Variants in NUP107 observed in about 807,000 individuals in gnomAD.
NUP107 encodes nuclear pore complex protein Nup107.
In NUP107, 101 loss-of-function variants were observed where a neutral mutation model predicts 141.0. The ratio of observed to expected loss-of-function variants is 0.72; its 90% CI spans 0.61 to 0.84. NUP107 has a LOEUF of 0.84. Ranked by LOEUF, NUP107 falls within the 40% of genes least tolerant of loss-of-function variation. The pLI is 0.00. For synonymous variants in NUP107, 319 were observed against 363.9 expected (o/e 0.88, Z 1.41); for missense variants, 941 against 1,102.7 (o/e 0.85, Z 2.08).
intron 20 of NUP107, among the ~76,000 whole-genome samples, chr12:68,727,954 A>G (rs1192782798): frequency 6.6e-6 from 1 of 152,192 alleles, no homozygotes; most frequent in East Asian, 1.9e-4. Context: ...TATTCTTATG[A>G]TAATGTAAGT....
At chr12:68,693,061 T>TTTTATTTA (rs1168023711) in intron 5 of NUP107, among the ~76,000 whole-genome samples, 1 of 149,356 alleles carries the variant, frequency 6.7e-6, no homozygotes, top group East Asian at 2.0e-4. Flanking sequence ...CCAGCTAATT[T>TTTTATTTA]TTTATTTATT....
chr12:68,741,292 T>C (rs1000662395), intron 26 of NUP107, among the ~76,000 whole-genome samples: 3 of 152,124 alleles, frequency 2.0e-5, no homozygotes, highest in Non-Finnish European at 4.4e-5. Flanking sequence ...TTAATTGTAT[T>C]ATTCAAATCT....
At chr12:68,714,382 C>T (rs1461576051) in intron 11 of NUP107, 1 of 152,204 alleles carries the variant, frequency 6.6e-6, no homozygotes, top group Non-Finnish European at 1.5e-5. Context: ...TGTTTGGAAA[C>T]TACTCTTAAC....
At position 68,744,171 on chromosome 12, in the gene NUP107, T is replaced by A. The variant is rs117220637; in HGVS notation, c.*1709T>A. On this transcript the variant is annotated 3_prime_UTR_variant, in exon 28 of 28. Coordinates refer to ENST00000229179, the MANE Select transcript of NUP107 (RefSeq NM_020401.4). ...GGAGGAATATTGTATGCTTCCATCG[T>A]AACCGTATGTGGGTAAATGGACAAG... The A allele has an allele frequency of 1.3e-5, 2 of 152,356 alleles. No individual in the cohort carries two copies. Among genetic ancestry groups the A allele is most frequent in the Non-Finnish European group, 2.9e-5 (2 of 68,038 alleles). The allele number at this position is 152,356 out of a possible 1,614,324, so 9.4% of individuals were successfully genotyped here.
intron 26 of NUP107, among the ~76,000 whole-genome samples, chr12:68,741,167 A>G (rs1037470256): frequency 1.3e-5 from 2 of 151,858 alleles, no homozygotes; most frequent in Non-Finnish European, 2.9e-5. Context: ...TAAGAGGTTT[A>G]CTCTTTTTTC....
chr12:68,694,641 C>T (rs1385584401), intron 5 of NUP107, among the ~76,000 whole-genome samples: 4 of 152,196 alleles, frequency 2.6e-5, no homozygotes. Flanking sequence ...GTGGCTGATG[C>T]CTGTAATCCC....
At chr12:68,731,473 A>C in intron 21 of NUP107, 134 bp from the exon 22 acceptor site, 1 of 618,412 alleles carries the variant, frequency 1.6e-6, no homozygotes, top group Non-Finnish European at 2.6e-6. Context: ...CTTTTATATA[A>C]ATATCTTTCA....
chr12:68,725,933 T>A, intron 18 of NUP107, 137 bp downstream of exon 18: 1 of 560,710 alleles, frequency 1.8e-6, no homozygotes, highest in Non-Finnish European at 3.1e-6. Context: ...GTCTCCTGGG[T>A]TCACAAGATC....
chr12:68,739,507 A>G (rs1878228563), intron 26 of NUP107, among the ~76,000 whole-genome samples: 1 of 152,222 alleles, frequency 6.6e-6, no homozygotes, highest in Non-Finnish European at 1.5e-5. Flanking sequence ...AACTCTTGCT[A>G]TCAACACATA....
chr12:68,692,241 G>A, intron 5 of NUP107, 129 bp downstream of exon 5: 1 of 997,532 alleles, frequency 1.0e-6, no homozygotes, highest in Non-Finnish European at 1.4e-6. Flanking sequence ...TCTTGAGAGA[G>A]TAGCTTAAAC....
At chr12:68,717,376 G>GT (rs1336755916) in intron 12 of NUP107, among the ~76,000 whole-genome samples, 1 of 151,956 alleles carries the variant, frequency 6.6e-6, no homozygotes, top group African/African-American at 2.4e-5. Context: ...ATACATTCAA[G>GT]TTTTTTCCCT....
intron 8 of NUP107, among the ~76,000 whole-genome samples, chr12:68,707,783 T>C (rs917725972): frequency 6.6e-6 from 1 of 152,146 alleles, no homozygotes; most frequent in Non-Finnish European, 1.5e-5. Flanking sequence ...CCAGGTCCAA[T>C]AGAGATGATT....
chr12:68,742,444 G>T lies in NUP107; in HGVS notation c.2760G>T (p.Gly920=), dbSNP rs141296706. 14 of 1,576,028 alleles carry T rather than the reference G, an allele frequency of 8.9e-6. No homozygotes were observed. In the African/African-American group the frequency reaches 1.5e-4, roughly 17 times the overall value. Residue 920 remains glycine (G), a synonymous_variant, in exon 28 of 28, where the codon GGG becomes GGT. Transcript: ENST00000229179. ...MLLDQGLDPL[G]YEIQL ...TAGACCAGGGACTTGACCCATTAGGGTATGAAATTCAGTTATAGTTTAATC... is the reference window on the plus strand; with the variant it reads ...TAGACCAGGGACTTGACCCATTAGGTTATGAAATTCAGTTATAGTTTAATC...
chr12:68,732,621 C>A lies in NUP107; in HGVS notation c.1999-16C>A. 1 of 1,493,100 alleles carries A rather than the reference C, an allele frequency of 6.7e-7. No individual in the cohort carries two copies. 92.5% of individuals were successfully genotyped at this position (1,493,100 alleles called of 1,614,324 possible). A position where few individuals can be genotyped will look rare whatever the true frequency, so the allele number is the denominator to read the frequency against. On this transcript the variant is annotated splice_polypyrimidine_tract_variant and intron_variant, in intron 22 of 27. Transcript: ENST00000229179. ...CTCTGATATTCCTTTTTCTTTTTTTCCCCTTTAATAAATAGGAGGATCGTT... is the reference window on the plus strand; with the variant it reads ...CTCTGATATTCCTTTTTCTTTTTTTACCCTTTAATAAATAGGAGGATCGTT...
At chr12:68,741,278 C>T (rs1878309181) in intron 26 of NUP107, among the ~76,000 whole-genome samples, 1 of 151,958 alleles carries the variant, frequency 6.6e-6, no homozygotes, top group South Asian at 2.1e-4. Context: ...TCTGTTCTGA[C>T]TCATTAATTG....
In NUP107 at chr12:68,727,404, C is replaced by A; in HGVS notation, c.1734+15C>A. ...CATACATACAGGTAAACTTTGAGAA[C>A]CTACAACCTGATTGTTTTTTACTAT... is the stretch of plus-strand genomic sequence containing the variant. On this transcript the variant is annotated intron_variant, in intron 20 of 27. Transcript: ENST00000229179. 1 of 1,411,002 alleles carries A rather than the reference C, an allele frequency of 7.1e-7. No homozygotes were observed. Among genetic ancestry groups the A allele is most frequent in the Non-Finnish European group, 9.8e-7 (1 of 1,024,078 alleles). The allele number at this position is 1,411,002 out of a possible 1,614,324, so 87.4% of individuals were successfully genotyped here.
chr12:68,709,823 A>G (rs1402830443), intron 9 of NUP107, among the ~76,000 whole-genome samples, 182 bp from the exon 10 acceptor site: 1 of 152,034 alleles, frequency 6.6e-6, no homozygotes, highest in Non-Finnish European at 1.5e-5. Flanking sequence ...CAGGAGGCAG[A>G]GCTTGCAGTG....
chr12:68,708,632 T>A (rs75958392), intron 8 of NUP107, among the ~76,000 whole-genome samples: 1 of 152,162 alleles, frequency 6.6e-6, no homozygotes, highest in East Asian at 1.9e-4. Flanking sequence ...TTTTTTTTTT[T>A]ATTTTGGGAT....
rs754751023 is a variant in NUP107 at position 68,722,057 on chromosome 12, T to C, written c.1458-47T>C. 9 of 1,609,596 alleles carry C rather than the reference T, an allele frequency of 5.6e-6. No homozygotes were observed. In the African/African-American group the frequency reaches 1.2e-4, roughly 22 times the overall value. On this transcript the variant is annotated intron_variant, in intron 16 of 27. Coordinates refer to ENST00000229179, the MANE Select transcript of NUP107 (RefSeq NM_020401.4). ...TCTTTGATGTTTCGTTTTACACCCC[T>C]TTTTCATATTATTAACATTATTCTT...
Sources: gnomAD v4.1 joint callset for allele counts (sites outside exome capture counted in the v4.1 genomes callset) on GRCh38, gnomAD v4.1.1 for gene constraint, MANE v1.5 for transcripts, NCBI Gene and HGNC (gene_info 2026-07-23, HGNC 2026-07-21) for gene names.